FBH1: variants seen among roughly 807,000 people sequenced by gnomAD.
FBH1 encodes the protein DNA 3'-5' helicase 1.
In FBH1, 43 loss-of-function variants were observed where a neutral mutation model predicts 115.5. That is an observed-to-expected ratio of 0.37 (90% CI 0.29 to 0.48). FBH1 has a LOEUF of 0.48. Among genes scored for constraint, FBH1 ranks in the 20% least tolerant of loss-of-function variants. The pLI is 0.99. For missense variants in FBH1, 1,001 were observed against 1,337.3 expected, an observed-to-expected ratio of 0.75 and a Z score of 3.92; for synonymous variants, 524 against 507.8, an observed-to-expected ratio of 1.03 and a Z score of -0.43.
rs891825950 is a variant in FBH1 at position 5,900,724 on chromosome 10, A to G, written c.2-2296A>G. ...TGGAAGGGTGATTTCTGAATTAGCTAGGGAGGAATAATGAAAAAATATTGT... is the reference window on the plus strand; with the variant it reads ...TGGAAGGGTGATTTCTGAATTAGCTGGGGAGGAATAATGAAAAAATATTGT... On this transcript the variant is annotated intron_variant, in intron 1 of 20. Coordinates refer to ENST00000362091, the MANE Select transcript of FBH1 (RefSeq NM_178150.3). The surrounding 1 kb of genome is among the most constrained non-coding windows in gnomAD (Gnocchi z 4.2). Among the ~76,000 whole-genome samples, 1 of 152,220 alleles carries G rather than the reference A, an allele frequency of 6.6e-6. No individual in the cohort carries two copies. Among genetic ancestry groups the G allele is most frequent in the Non-Finnish European group, 1.5e-5 (1 of 68,040 alleles).
rs1842941160 is a variant in FBH1, at chr10:5,895,181, G to A, written c.1+4835G>A. On this transcript the variant is annotated intron_variant, in intron 1 of 20. Coordinates refer to ENST00000362091, the MANE Select transcript of FBH1 (RefSeq NM_178150.3). This position sits in a 1 kb window ranked among gnomAD's most constrained non-coding sequence, Gnocchi z 5.0. ...CCACTTGCTGGTCTTCACAGAGCAC[G>A]CTGAAAGTAAGAGGCATGTGGGAAA... The A allele has an allele frequency of 9.3e-6, 15 of 1,612,224 alleles. No individual in the cohort carries two copies. The highest frequency in any genetic ancestry group is 1.3e-5 in the African/African-American group (1 of 74,866).
Position 5,909,533 on chromosome 10 carries a change from G to A in FBH1, c.1020+239G>A. ...AATCATTTAGTCTGATTTCCCATTT[G>A]GTTGAGGAATCTTCTCTGAAATATT... On this transcript the variant is annotated intron_variant, in intron 5 of 20. Coordinates refer to ENST00000362091, the MANE Select transcript of FBH1 (RefSeq NM_178150.3). The surrounding 1 kb of genome is among the most constrained non-coding windows in gnomAD (Gnocchi z 4.4). 2.2e-6 allele frequency: 1 copy of A among 460,510 alleles called. No homozygotes were observed. Among genetic ancestry groups the A allele is most frequent in the Non-Finnish European group, 3.8e-6 (1 of 266,358 alleles). The allele number at this position is 460,510 out of a possible 1,614,324, so 28.5% of individuals were successfully genotyped here. A position where few individuals can be genotyped will look rare whatever the true frequency, so the allele number is the denominator to read the frequency against.
chr10:5,893,375 A>T (rs972219290), intron 1 of FBH1, among the ~76,000 whole-genome samples: 1 of 152,188 alleles, frequency 6.6e-6, no homozygotes, highest in Admixed American at 6.5e-5. Flanking sequence ...GATAAAGTCC[A>T]ATTTCTTTTT....
At position 5,936,240 on chromosome 10, in the gene FBH1, T is replaced by C. The variant is rs1589127196; in HGVS notation, c.2830-216T>C. 1 of 367,004 alleles carries C rather than the reference T, an allele frequency of 2.7e-6. No homozygotes were observed. The highest frequency in any genetic ancestry group is 4.5e-5 in the East Asian group (1 of 22,368). 22.7% of individuals were successfully genotyped at this position (367,004 alleles called of 1,614,324 possible). A position where few individuals can be genotyped will look rare whatever the true frequency, so the allele number is the denominator to read the frequency against. ...CATGTTTATCTGTTAAATATATATATATTTAAAAAGCAATTGGACTGTCAG... is the reference window on the plus strand; with the variant it reads ...CATGTTTATCTGTTAAATATATATACATTTAAAAAGCAATTGGACTGTCAG... On this transcript the variant is annotated intron_variant, in intron 19 of 20. Transcript: ENST00000362091. The surrounding 1 kb of genome is among the most constrained non-coding windows in gnomAD (Gnocchi z 5.6).
chr10:5,932,848 G>C lies in FBH1; in HGVS notation c.2830-3608G>C, dbSNP rs1261876716. Among the ~76,000 whole-genome samples the C allele has an allele frequency of 1.3e-5, 2 of 152,122 alleles. No individual in the cohort carries two copies. Among genetic ancestry groups the C allele is most frequent in the Non-Finnish European group, 1.5e-5 (1 of 68,026 alleles). On this transcript the variant is annotated intron_variant, in intron 19 of 20. Coordinates refer to ENST00000362091, the MANE Select transcript of FBH1 (RefSeq NM_178150.3). The surrounding 1 kb of genome is among the most constrained non-coding windows in gnomAD (Gnocchi z 5.9). ...TCCTCCCACCTCAGCCTCCCGAGCA[G>C]CTGGGACTACAGGTGTGTGCCACCA...
intron 1 of FBH1, among the ~76,000 whole-genome samples, chr10:5,892,787 C>T (rs1362367068): frequency 6.6e-6 from 1 of 152,192 alleles, no homozygotes; most frequent in Non-Finnish European, 1.5e-5. Flanking sequence ...TGCCAGTTAT[C>T]CTTGTTGCTC....
At position 5,911,263 on chromosome 10, in the gene FBH1, A is replaced by G. The variant is rs1831572865; in HGVS notation, c.1211+135A>G. ...GACCCACCTGCTCCACCTCAGTGTC[A>G]TCTTCTGCAGGAGCCAGGGGCTGAG... On this transcript the variant is annotated intron_variant, in intron 6 of 20. Coordinates refer to ENST00000362091, the MANE Select transcript of FBH1 (RefSeq NM_178150.3). This position sits in a 1 kb window ranked among gnomAD's most constrained non-coding sequence, Gnocchi z 5.4. 4 of 829,644 alleles carry G rather than the reference A, an allele frequency of 4.8e-6. No homozygotes were observed. Among genetic ancestry groups the G allele is most frequent in the Non-Finnish European group, 7.4e-6 (4 of 540,064 alleles). 51.4% of individuals were successfully genotyped at this position (829,644 alleles called of 1,614,324 possible).
At chr10:5,891,641 G>T (rs771651023) in intron 1 of FBH1, among the ~76,000 whole-genome samples, 1 of 152,132 alleles carries the variant, frequency 6.6e-6, no homozygotes, top group South Asian at 2.1e-4. Flanking sequence ...ACAGAGTCTC[G>T]CTCTGTTGCT....
At chr10:5,919,157 T>TA (rs1282182286) in intron 13 of FBH1, among the ~76,000 whole-genome samples, 2 of 152,220 alleles carry the variant, frequency 1.3e-5, no homozygotes, top group Non-Finnish European at 2.9e-5. Flanking sequence ...TTCTCGGAAA[T>TA]ATGTTTCAAA....
At chr10:5,912,880 T>A (rs1422795521) in intron 6 of FBH1, among the ~76,000 whole-genome samples, 1 of 152,216 alleles carries the variant, frequency 6.6e-6, no homozygotes, top group Admixed American at 6.5e-5. Flanking sequence ...TGATTTTTGT[T>A]GCGTTTCTTT....
Position 5,906,267 on chromosome 10 carries a change from G to A in FBH1, c.388G>A (p.Glu130Lys). The A allele has an allele frequency of 6.2e-7, 1 of 1,614,216 alleles. No individual in the cohort carries two copies. Among genetic ancestry groups the A allele is most frequent in the South Asian group, 1.1e-5 (1 of 91,086 alleles). The change falls in exon 3 of 21, where the codon GAG (glutamate) becomes AAG (lysine). Residue 130 changes from glutamate to lysine, a missense_variant. This residue lies in a region of FBH1 where 420 missense variants were observed against 430.4 expected (regional missense o/e 0.98). Coordinates refer to ENST00000362091, the MANE Select transcript of FBH1 (RefSeq NM_178150.3). The surrounding 1 kb of genome is among the most constrained non-coding windows in gnomAD (Gnocchi z 7.3). ...SRKRSWSSEE[E>K]SNQATGTSRW... ...GAAGCGGTCTTGGTCCTCTGAGGAAGAGAGTAACCAGGCTACCGGGACCAG... is the reference window on the plus strand; with the variant it reads ...GAAGCGGTCTTGGTCCTCTGAGGAAAAGAGTAACCAGGCTACCGGGACCAG...
Position 5,917,369 on chromosome 10 carries a change from T to C in FBH1, c.1789-51T>C. 6.6e-7 allele frequency: 1 copy of C among 1,507,396 alleles called. No homozygotes were observed. The highest frequency in any genetic ancestry group is 9.2e-7 in the Non-Finnish European group (1 of 1,087,352). The allele number at this position is 1,507,396 out of a possible 1,614,324, so 93.4% of individuals were successfully genotyped here. A position where few individuals can be genotyped will look rare whatever the true frequency, so the allele number is the denominator to read the frequency against. On this transcript the variant is annotated intron_variant, in intron 10 of 20. Transcript: ENST00000362091. This position sits in a 1 kb window ranked among gnomAD's most constrained non-coding sequence, Gnocchi z 5.6. ...AGTTGACAGTGTGACCGCAGGGTGCTGCCTTTGCCAGGGTCTCAAACTCTG... is the reference window on the plus strand; with the variant it reads ...AGTTGACAGTGTGACCGCAGGGTGCCGCCTTTGCCAGGGTCTCAAACTCTG...
chr10:5,908,208 A>G (rs1338768806), intron 3 of FBH1, among the ~76,000 whole-genome samples: 2 of 152,176 alleles, frequency 1.3e-5, no homozygotes, highest in African/African-American at 4.8e-5. Flanking sequence ...TGGTGCATAT[A>G]TATTTATAGT....
At chr10:5,896,046 T>C (rs1476636397) in intron 1 of FBH1, among the ~76,000 whole-genome samples, 2 of 152,168 alleles carry the variant, frequency 1.3e-5, no homozygotes, top group African/African-American at 2.4e-5. Flanking sequence ...AATGAAAGCA[T>C]AGGGGAGGAG....
chr10:5,917,242 A>G lies in FBH1; in HGVS notation c.1789-178A>G. 1 of 608,228 alleles carries G rather than the reference A, an allele frequency of 1.6e-6. No individual in the cohort carries two copies. The highest frequency in any genetic ancestry group is 1.9e-5 in the South Asian group (1 of 52,110). The allele number at this position is 608,228 out of a possible 1,614,324, so 37.7% of individuals were successfully genotyped here. A position where few individuals can be genotyped will look rare whatever the true frequency, so the allele number is the denominator to read the frequency against. On this transcript the variant is annotated intron_variant, in intron 10 of 20. Coordinates refer to ENST00000362091, the MANE Select transcript of FBH1 (RefSeq NM_178150.3). This position sits in a 1 kb window ranked among gnomAD's most constrained non-coding sequence, Gnocchi z 5.6. ...CGGCTGCTTCCTGTCTCAGCACTGG[A>G]GACCCTCTGGCGTGGAGAGGCTGTT...
At position 5,906,059 on chromosome 10, in the gene FBH1, C is replaced by A. The variant is rs766064337; in HGVS notation, c.180C>A (p.Ile60=). 9.3e-6 allele frequency: 15 copies of A among 1,609,940 alleles called. No homozygotes were observed. In the African/African-American group the frequency reaches 1.7e-4, roughly 19 times the overall value. ...CAGGTCAGGGAAGTCAAAGATGCAT[C>A]CCTGAGTTCTTCCTAGCAGGCAAGC... ...GSRGQGSQRC[I]PEFFLAGKQP... The change falls in exon 3 of 21, where the codon ATC becomes ATA. Residue 60 remains isoleucine (I), a synonymous_variant. Coordinates refer to ENST00000362091, the MANE Select transcript of FBH1 (RefSeq NM_178150.3). This position sits in a 1 kb window ranked among gnomAD's most constrained non-coding sequence, Gnocchi z 7.3.
In FBH1 at chr10:5,931,271, A is replaced by G. The variant is rs1832956342; in HGVS notation, c.2829+3730A>G. 6.6e-6 allele frequency among the ~76,000 whole-genome samples: 1 copy of G among 152,178 alleles called. No individual in the cohort carries two copies. Among genetic ancestry groups the G allele is most frequent in the Admixed American group, 6.5e-5 (1 of 15,280 alleles). The stretch of plus-strand genomic sequence containing the variant: ...TACGCATTACCTTGCTTTGTTGCAC[A>G]ACGGCACCTTTTTCTTTTTTCTTTT... On this transcript the variant is annotated intron_variant, in intron 19 of 20. Coordinates refer to ENST00000362091, the MANE Select transcript of FBH1 (RefSeq NM_178150.3). This position sits in a 1 kb window ranked among gnomAD's most constrained non-coding sequence, Gnocchi z 4.3.
chr10:5,907,672 C>T (rs560318444), intron 3 of FBH1, among the ~76,000 whole-genome samples: 2 of 152,124 alleles, frequency 1.3e-5, no homozygotes, highest in East Asian at 3.9e-4. Flanking sequence ...TAGGGTTTCA[C>T]CATGTAATCC....
At chr10:5,901,096 CAAAA>C (rs1843317132) in intron 1 of FBH1, among the ~76,000 whole-genome samples, 1 of 148,132 alleles carries the variant, frequency 6.8e-6, no homozygotes. Context: ...GACTCTGTCT[CAAAA>C]AAAGAAAAAA....
Sources: allele counts gnomAD v4.1 joint callset (sites outside exome capture counted in the v4.1 genomes callset), GRCh38; gene constraint gnomAD v4.1.1; regional missense constraint gnomAD v4.1.1; non-coding constraint Gnocchi (gnomAD v3.1); transcripts MANE v1.5; gene names NCBI Gene and HGNC (gene_info 2026-07-23, HGNC 2026-07-21).